The following RAPGEF4 variants were observed in gnomAD, a reference collection of about 807,000 sequenced individuals.
RAPGEF4 encodes RAP guanine-nucleotide-exchange factor (GEF) 4.
Under a neutral mutation model 147.9 loss-of-function variants are expected in RAPGEF4, and 66 were observed. The observed-to-expected ratio is 0.45, with a 90% CI of 0.37 to 0.55. The LOEUF (loss-of-function observed/expected upper bound fraction) is 0.55, where lower values mean the gene tolerates loss of function less well. Ranked by LOEUF, RAPGEF4 falls within the 20% of genes least tolerant of loss-of-function variation. The pLI, the probability that RAPGEF4 is intolerant of heterozygous loss-of-function variation, is 0.00. For synonymous variants in RAPGEF4, 419 were observed against 442.7 expected (o/e 0.95, Z 0.67); for missense variants, 1,071 against 1,257.3 (o/e 0.85, Z 2.24).
chr2:172,934,967 A>C (rs1270311435), intron 6 of RAPGEF4, among the ~76,000 whole-genome samples: 2 of 152,164 alleles, frequency 1.3e-5, no homozygotes. Context: ...ACTTGAGCCT[A>C]GGAGTTCAAG....
intron 17 of RAPGEF4, among the ~76,000 whole-genome samples, chr2:173,005,520 G>GTTTGTT (rs1694355696): frequency 1.2e-5 from 1 of 86,736 alleles, no homozygotes; most frequent in Non-Finnish European, 2.1e-5. Flanking sequence ...GTTGTTTTGT[G>GTTTGTT]TTTTTTTTTT....
At chr2:172,934,147 C>CTTTTTTTTTTTTTTTTT (rs5836396) in intron 6 of RAPGEF4, among the ~76,000 whole-genome samples, 1 of 99,134 alleles carries the variant, frequency 1.0e-5, no homozygotes, top group Non-Finnish European at 1.8e-5. Context: ...TTATTTAATC[C>CTTTTTTTTTTTTTTTTT]TTTTTTTTTT....
Position 173,027,194 on chromosome 2 carries a change from C to A in RAPGEF4, c.2493C>A (p.Ile831=), listed in dbSNP as rs1223909934. 2 of 1,613,646 alleles carry A rather than the reference C, an allele frequency of 1.2e-6. No individual in the cohort carries two copies. The highest frequency in any genetic ancestry group is 3.3e-5 in the Admixed American group (2 of 59,930). The change falls in exon 25 of 31, where the codon ATC becomes ATA. Residue 831 remains isoleucine (I), a synonymous_variant. Transcript: ENST00000397081. ...NEIQFWVVTE[I]CLCSQLSKRV... ...TTCAGTTTTGGGTCGTCACTGAGAT[C>A]TGCCTTTGTTCTCAGCTCAGCAAGC... is the stretch of plus-strand genomic sequence containing the variant.
chr2:173,035,116 G>T (rs1365482580), intron 27 of RAPGEF4, among the ~76,000 whole-genome samples: 6 of 151,710 alleles, frequency 4.0e-5, no homozygotes, highest in African/African-American at 1.5e-4. Context: ...GTGCAGTGGT[G>T]CAATCATGAC....
At chr2:172,745,697 T>C (rs1242640648) in intron 1 of RAPGEF4, among the ~76,000 whole-genome samples, 1 of 152,226 alleles carries the variant, frequency 6.6e-6, no homozygotes, top group Non-Finnish European at 1.5e-5. Flanking sequence ...CTTCAATTTC[T>C]CATTTTCAAC....
At chr2:172,936,632 C>T (rs1201409331) in intron 6 of RAPGEF4, among the ~76,000 whole-genome samples, 2 of 150,762 alleles carry the variant, frequency 1.3e-5, no homozygotes, top group African/African-American at 4.9e-5. Context: ...CTATTTGTAC[C>T]TTGTCAAAGT....
chr2:172,921,692 C>A (rs1684778676), intron 5 of RAPGEF4, among the ~76,000 whole-genome samples: 1 of 152,210 alleles, frequency 6.6e-6, no homozygotes, highest in South Asian at 2.1e-4. Context: ...AAATCAATGA[C>A]AAATGAGCAA....
intron 1 of RAPGEF4, among the ~76,000 whole-genome samples, chr2:172,751,294 G>A (rs1695264872): frequency 6.6e-6 from 1 of 152,184 alleles, no homozygotes; most frequent in Non-Finnish European, 1.5e-5. Flanking sequence ...ACTGTCAAAG[G>A]CCCTGACCTC....
chr2:172,992,653 G>A (rs1378822454), intron 15 of RAPGEF4, among the ~76,000 whole-genome samples: 2 of 152,166 alleles, frequency 1.3e-5, no homozygotes, highest in African/African-American at 4.8e-5. Context: ...AAACTAAAAG[G>A]AATGGAAAAG....
intron 15 of RAPGEF4, 122 bp downstream of exon 15, chr2:172,991,047 C>T: frequency 1.4e-6 from 1 of 718,986 alleles, no homozygotes; most frequent in Non-Finnish European, 2.4e-6. Flanking sequence ...TGACTTTTTT[C>T]CTCTCTATTG....
intron 26 of RAPGEF4, among the ~76,000 whole-genome samples, chr2:173,032,687 G>A (rs1697303679): frequency 6.6e-6 from 1 of 152,136 alleles, no homozygotes; most frequent in South Asian, 2.1e-4. Context: ...ACCCTAACTT[G>A]AAATGCCAGA....
chr2:172,919,555 A>G (rs1478714005), intron 5 of RAPGEF4, among the ~76,000 whole-genome samples: 1 of 151,940 alleles, frequency 6.6e-6, no homozygotes, highest in East Asian at 1.9e-4. Context: ...GGAAGAGTTT[A>G]GCCATGGCTT....
chr2:172,793,453 G>A (rs537276588), intron 1 of RAPGEF4, among the ~76,000 whole-genome samples: 7 of 152,226 alleles, frequency 4.6e-5, no homozygotes, highest in Admixed American at 1.3e-4. Flanking sequence ...TGCTAGTTTT[G>A]TTCTCAGTCC....
chr2:172,904,276 G>C (rs1168474759), intron 4 of RAPGEF4, among the ~76,000 whole-genome samples: 1 of 152,140 alleles, frequency 6.6e-6, no homozygotes, highest in Admixed American at 6.5e-5. Flanking sequence ...TCAGTCAACT[G>C]TTTCTCTGTG....
At chr2:172,876,281 C>T (rs1405948726) in intron 4 of RAPGEF4, among the ~76,000 whole-genome samples, 10 of 152,116 alleles carry the variant, frequency 6.6e-5, no homozygotes, top group African/African-American at 1.2e-4. Context: ...ACTTCTAACA[C>T]TATGTTGAAT....
At chr2:172,757,939 A>C (rs1375735215) in intron 1 of RAPGEF4, among the ~76,000 whole-genome samples, 1 of 152,236 alleles carries the variant, frequency 6.6e-6, no homozygotes, top group African/African-American at 2.4e-5. Flanking sequence ...TTACATTCTA[A>C]CAAAGGAAAT....
chr2:172,886,745 G>T, intron 4 of RAPGEF4, among the ~76,000 whole-genome samples: 1 of 150,596 alleles, frequency 6.6e-6, no homozygotes, highest in African/African-American at 2.4e-5. Flanking sequence ...TTTCTAAAGA[G>T]ATAGAGATTT....
At chr2:173,038,627 A>G (rs2106024642) in intron 29 of RAPGEF4, among the ~76,000 whole-genome samples, 1 of 152,246 alleles carries the variant, frequency 6.6e-6, no homozygotes, top group East Asian at 1.9e-4. Flanking sequence ...TAGGACAAAT[A>G]CCTAGTGCAT....
intron 4 of RAPGEF4, among the ~76,000 whole-genome samples, chr2:172,864,310 G>A (rs1694370768): frequency 6.6e-6 from 1 of 152,190 alleles, no homozygotes; most frequent in African/African-American, 2.4e-5. Context: ...GCAATGAAGG[G>A]AGCACTGGAC....
Sources: gnomAD v4.1 joint callset for allele counts (sites outside exome capture counted in the v4.1 genomes callset) on GRCh38, gnomAD v4.1.1 for gene constraint, MANE v1.5 for transcripts, NCBI Gene and HGNC (gene_info 2026-07-23, HGNC 2026-07-21) for gene names.